Variants in NIPBL observed in about 807,000 individuals in gnomAD.
NIPBL encodes NIPBL cohesin loading factor.
In NIPBL, 19 loss-of-function variants were observed where a neutral mutation model predicts 321.8. The ratio of observed to expected loss-of-function variants is 0.06; its 90% CI spans 0.04 to 0.09. NIPBL has a LOEUF of 0.09. Among genes scored for constraint, NIPBL ranks in the 10% least tolerant of loss-of-function variants. NIPBL has a pLI of 1.00. For missense variants in NIPBL, 2,210 were observed against 3,327.0 expected (o/e 0.66, Z 8.26); for synonymous variants, 1,106 against 1,114.1 (o/e 0.99, Z 0.14).
At chr5:37,000,352 G>T (rs1236218617) in intron 11 of NIPBL, 21 bp from the exon 12 acceptor site, 1 of 1,607,862 alleles carries the variant, frequency 6.2e-7, no homozygotes, top group Admixed American at 1.7e-5. Flanking sequence ...TAAATTATTT[G>T]TCATGGGGAT....
chr5:36,992,127 A>G (rs1187805860), intron 10 of NIPBL, among the ~76,000 whole-genome samples: 1 of 152,200 alleles, frequency 6.6e-6, no homozygotes, highest in African/African-American at 2.4e-5. Context: ...GAATATATGT[A>G]CAGAAGCTGA....
chr5:36,896,981 A>T (rs1470058019), intron 1 of NIPBL, among the ~76,000 whole-genome samples: 2 of 151,594 alleles, frequency 1.3e-5, no homozygotes, highest in African/African-American at 4.9e-5. Flanking sequence ...TTTTAATGCT[A>T]TTGTAAATGG....
At chr5:36,889,099 A>G (rs1024732949) in intron 1 of NIPBL, among the ~76,000 whole-genome samples, 1 of 152,134 alleles carries the variant, frequency 6.6e-6, no homozygotes, top group African/African-American at 2.4e-5. Context: ...CAGTTTGGGG[A>G]CATAGGACTA....
At chr5:37,026,460 AT>A in intron 31 of NIPBL, 133 bp downstream of exon 31, 1 of 691,760 alleles carries the variant, frequency 1.4e-6, no homozygotes, top group South Asian at 1.5e-5. Flanking sequence ...CCTTTACTTT[AT>A]ATTTCTGGAG....
intron 1 of NIPBL, among the ~76,000 whole-genome samples, chr5:36,892,184 G>GA (rs748804973): frequency 6.6e-6 from 1 of 152,268 alleles, no homozygotes; most frequent in South Asian, 2.1e-4. Context: ...TACAGTGGAT[G>GA]AAAAAATGCT....
At chr5:36,991,860 G>A (rs1745560762) in intron 10 of NIPBL, among the ~76,000 whole-genome samples, 1 of 151,164 alleles carries the variant, frequency 6.6e-6, no homozygotes, top group African/African-American at 2.4e-5. Context: ...CAGTCCCAAA[G>A]ATTTTATTAG....
intron 1 of NIPBL, among the ~76,000 whole-genome samples, chr5:36,909,264 G>C (rs896029448): frequency 6.6e-6 from 1 of 152,092 alleles, no homozygotes; most frequent in East Asian, 1.9e-4. Flanking sequence ...AAGAATGCTA[G>C]GTAGCTCTTT....
chr5:36,921,107 C>G (rs963267636), intron 1 of NIPBL, among the ~76,000 whole-genome samples: 3 of 151,842 alleles, frequency 2.0e-5, no homozygotes, highest in Non-Finnish European at 4.4e-5. Flanking sequence ...AAGCGTCTCC[C>G]CATTCCTCCA....
In NIPBL at chr5:37,024,468, A is replaced by G. The variant is rs1047552003; in HGVS notation, c.5575-117A>G. The G allele has an allele frequency of 7.7e-6, 6 of 778,048 alleles. No individual in the cohort carries two copies. In the Admixed American group the frequency reaches 1.1e-4, roughly 14 times the overall value. 48.2% of individuals were successfully genotyped at this position (778,048 alleles called of 1,614,324 possible). ...AAGCATGTAAAAAGCAAATATGTCA[A>G]GTGTGTTTATCATGTTAACAAATAG... is the stretch of plus-strand genomic sequence containing the variant. On this transcript the variant is annotated intron_variant, in intron 29 of 46. Coordinates refer to ENST00000282516, the MANE Select transcript of NIPBL (RefSeq NM_133433.4).
intron 16 of NIPBL, among the ~76,000 whole-genome samples, 155 bp downstream of exon 16, chr5:37,003,502 G>T (rs1164620671): frequency 1.3e-5 from 2 of 151,950 alleles, no homozygotes; most frequent in Non-Finnish European, 2.9e-5. Context: ...ACAGTCTATT[G>T]TTCTGTTTTT....
At chr5:37,052,035 A>G (rs1753610962) in intron 41 of NIPBL, 149 bp downstream of exon 41, 15 of 720,866 alleles carry the variant, frequency 2.1e-5, no homozygotes, top group Non-Finnish European at 2.4e-6. Flanking sequence ...TTAGTCTTCC[A>G]AGGTGTTTAT....
intron 45 of NIPBL, among the ~76,000 whole-genome samples, chr5:37,063,508 A>G (rs1288187631): frequency 6.6e-6 from 1 of 152,246 alleles, no homozygotes; most frequent in African/African-American, 2.4e-5. Context: ...TTTGCAAACA[A>G]AGTTTTATTG....
chr5:36,931,103 T>A (rs1289487919), intron 1 of NIPBL, among the ~76,000 whole-genome samples: 2 of 152,302 alleles, frequency 1.3e-5, no homozygotes, highest in South Asian at 2.1e-4. Flanking sequence ...CTTATATATT[T>A]CATAAAAATC....
chr5:37,064,510 C>T lies in NIPBL; in HGVS notation c.8050-17C>T, dbSNP rs976028697. 3 of 1,610,068 alleles carry T rather than the reference C, an allele frequency of 1.9e-6. No individual in the cohort carries two copies. In the East Asian group the frequency reaches 6.7e-5, roughly 36 times the overall value. ...TGTGTAACACTTGGTCTTTTTTCCC[C>T]CCTCCCAATGTTTTAGTCATTGAGA... On this transcript the variant is annotated splice_polypyrimidine_tract_variant and intron_variant, in intron 46 of 46. Transcript: ENST00000282516.
intron 1 of NIPBL, among the ~76,000 whole-genome samples, chr5:36,947,719 C>T (rs193272571): frequency 6.6e-6 from 1 of 151,696 alleles, no homozygotes; most frequent in Non-Finnish European, 1.5e-5. Context: ...TTAGTATTTT[C>T]CTGAATCATA....
intron 7 of NIPBL, among the ~76,000 whole-genome samples, chr5:36,971,303 C>T (rs141339105): frequency 7.8e-4 from 119 of 151,698 alleles, no homozygotes; most frequent in African/African-American, 2.3e-3. Flanking sequence ...TGTATGTGGC[C>T]CACAGAGCCT....
intron 1 of NIPBL, among the ~76,000 whole-genome samples, chr5:36,907,027 G>A (rs376516106): frequency 6.6e-5 from 10 of 152,230 alleles, no homozygotes; most frequent in Admixed American, 5.2e-4. Flanking sequence ...TGTGGATTCC[G>A]CTTCTCATCC....
At chr5:36,898,689 T>G (rs1746969715) in intron 1 of NIPBL, among the ~76,000 whole-genome samples, 1 of 152,086 alleles carries the variant, frequency 6.6e-6, no homozygotes, top group South Asian at 2.1e-4. Flanking sequence ...TTTTGTATTT[T>G]TAGCAGAGAT....
intron 1 of NIPBL, among the ~76,000 whole-genome samples, chr5:36,924,044 T>C (rs1749161719): frequency 6.6e-6 from 1 of 152,180 alleles, no homozygotes; most frequent in African/African-American, 2.4e-5. Flanking sequence ...AGATCTGTTA[T>C]TATTATCTTT....
Sources: gnomAD v4.1 joint callset for allele counts (sites outside exome capture counted in the v4.1 genomes callset) on GRCh38, gnomAD v4.1.1 for gene constraint, MANE v1.5 for transcripts, NCBI Gene and HGNC (gene_info 2026-07-23, HGNC 2026-07-21) for gene names.